The following PSMG2 variants were observed in gnomAD, a reference collection of about 807,000 sequenced individuals.
PSMG2 encodes CD40 ligand-activated specific transcript 3.
PSMG2 carries 21 observed loss-of-function variants against 31.5 expected under a neutral mutation model. The ratio of observed to expected loss-of-function variants is 0.67; its 90% CI spans 0.47 to 0.96. PSMG2 has a LOEUF of 0.96. Ranked by LOEUF, PSMG2 falls within the 40% of genes least tolerant of loss-of-function variation. The pLI is 0.00. For missense variants in PSMG2, 318 were observed against 321.2 expected (o/e 0.99, Z 0.08); for synonymous variants, 120 against 110.4 (o/e 1.09, Z -0.54).
At chr18:12,667,867 TTTA>T (rs1458684318) in intron 1 of PSMG2, among the ~76,000 whole-genome samples, 1 of 144,506 alleles carries the variant, frequency 6.9e-6, no homozygotes, top group Non-Finnish European at 1.6e-5. Flanking sequence ...TTTTTTTTTT[TTTA>T]AATAGAACAA....
chr18:12,679,889 C>T (rs1025703145), intron 1 of PSMG2, among the ~76,000 whole-genome samples: 1 of 151,838 alleles, frequency 6.6e-6, no homozygotes, highest in Non-Finnish European at 1.5e-5. Flanking sequence ...ACAGCAAAAG[C>T]TCATCCCTAC....
chr18:12,660,088 A>G lies in PSMG2; in HGVS notation c.-37+1315A>G, dbSNP rs192569184. On this transcript the variant is annotated intron_variant, in intron 1 of 6. Transcript: ENST00000585331. ...CTGCCCATTGCACTTGGACAACTAC[A>G]GCCAAACACATTTTTATCTTTGCCT... 2.2e-3 allele frequency among the ~76,000 whole-genome samples: 337 copies of G among 152,308 alleles called. 10 individuals are homozygous for G. The East Asian group carries it at 0.029, about 13-fold the overall frequency.
At chr18:12,719,760 G>A (rs2040413042) in intron 4 of PSMG2, among the ~76,000 whole-genome samples, 1 of 142,968 alleles carries the variant, frequency 7.0e-6, no homozygotes, top group South Asian at 2.2e-4. Flanking sequence ...CCAGTTCTCA[G>A]TTGCCCAGGC....
intron 2 of PSMG2, among the ~76,000 whole-genome samples, chr18:12,712,434 G>GAGAAGTA (rs2040340471): frequency 6.6e-6 from 1 of 152,090 alleles, no homozygotes; most frequent in Admixed American, 6.5e-5. Flanking sequence ...TGGTTTTGCA[G>GAGAAGTA]TTAAAGTCAA....
chr18:12,667,641 C>A (rs1425871850), intron 1 of PSMG2, among the ~76,000 whole-genome samples: 3 of 149,188 alleles, frequency 2.0e-5, no homozygotes. Context: ...CGTGCCTGTA[C>A]TCCCAGCTAC....
chr18:12,716,180 T>C (rs1487281708), intron 3 of PSMG2, among the ~76,000 whole-genome samples: 1 of 152,200 alleles, frequency 6.6e-6, no homozygotes, highest in Non-Finnish European at 1.5e-5. Flanking sequence ...TTTGAGACTA[T>C]CATGAATAGT....
intron 2 of PSMG2, among the ~76,000 whole-genome samples, chr18:12,707,301 C>T (rs1357067299): frequency 6.6e-6 from 1 of 152,114 alleles, no homozygotes; most frequent in Non-Finnish European, 1.5e-5. Flanking sequence ...CCTTGTTTTT[C>T]AACATGGATT....
intron 1 of PSMG2, among the ~76,000 whole-genome samples, chr18:12,692,737 T>G (rs1158579561): frequency 1.3e-5 from 2 of 152,234 alleles, no homozygotes; most frequent in African/African-American, 4.8e-5. Context: ...TCTAGCTGTC[T>G]GCTGCCCTAT....
chr18:12,674,673 A>G, intron 1 of PSMG2: 1 of 1,614,106 alleles, frequency 6.2e-7, no homozygotes, highest in Non-Finnish European at 8.5e-7. Context: ...TACTTGTTGT[A>G]CGCTCAAATT....
intron 2 of PSMG2, among the ~76,000 whole-genome samples, chr18:12,711,146 C>G (rs1305764601): frequency 6.6e-6 from 1 of 152,014 alleles, no homozygotes; most frequent in Non-Finnish European, 1.5e-5. Flanking sequence ...GTGGTGTGCT[C>G]CTGTAATCCC....
chr18:12,698,094 TAAGAA>T (rs1003436170), upstream of PSMG2, among the ~76,000 whole-genome samples: 2 of 151,238 alleles, frequency 1.3e-5, no homozygotes, highest in Non-Finnish European at 2.9e-5. Flanking sequence ...ATTGGAGAAA[TAAGAA>T]AAAAAAGAAA....
chr18:12,700,809 C>A, upstream of PSMG2: 1 of 580,522 alleles, frequency 1.7e-6, no homozygotes, highest in Non-Finnish European at 3.0e-6. Context: ...GCAGAGCTAG[C>A]CTATACTTGA....
chr18:12,693,334 G>A (rs147940007), intron 1 of PSMG2, among the ~76,000 whole-genome samples: 1,693 of 152,068 alleles, frequency 0.011, 15 homozygotes, highest in Non-Finnish European at 0.015. Flanking sequence ...TGAGGCAGGT[G>A]GATTGCTTGA....
rs747357666 is a variant in PSMG2 at position 12,691,505 on chromosome 18, T to A, written c.-36-15045T>A. The A allele has an allele frequency of 1.9e-6, 3 of 1,562,700 alleles. No individual in the cohort carries two copies. In the East Asian group the frequency reaches 6.8e-5, roughly 35 times the overall value. On this transcript the variant is annotated intron_variant, in intron 1 of 6. Coordinates refer to the PSMG2 transcript ENST00000585331. The stretch of plus-strand genomic sequence containing the variant: ...AAAGCAAGCTTGAAATTGAAAAAAA[T>A]ATTTTTCAATTTCTATTCATTATCT...
intron 3 of PSMG2, among the ~76,000 whole-genome samples, chr18:12,715,685 T>A (rs963525894): frequency 2.6e-5 from 4 of 152,030 alleles, no homozygotes; most frequent in African/African-American, 9.7e-5. Flanking sequence ...TTTGTACTTT[T>A]AGTAGAGTTG....
chr18:12,699,284 T>A, upstream of PSMG2: 1 of 1,042,482 alleles, frequency 9.6e-7, no homozygotes, highest in Non-Finnish European at 1.4e-6. Context: ...AATAAAAACT[T>A]GACAGATAAA....
upstream of PSMG2, chr18:12,702,490 C>T (rs937735448): frequency 3.7e-6 from 6 of 1,609,236 alleles, no homozygotes; most frequent in Non-Finnish European, 5.1e-6. Context: ...TCTCACCTTG[C>T]TCAGCTGCTG....
At chr18:12,690,939 G>GCT (rs1555646009) in intron 1 of PSMG2, among the ~76,000 whole-genome samples, 1 of 148,660 alleles carries the variant, frequency 6.7e-6, no homozygotes, top group Non-Finnish European at 1.5e-5. Context: ...TATGCCCAGA[G>GCT]CCCCCCCCCG....
intron 1 of PSMG2, among the ~76,000 whole-genome samples, chr18:12,669,176 G>C (rs1353096411): frequency 1.3e-5 from 2 of 149,548 alleles, no homozygotes; most frequent in Non-Finnish European, 3.0e-5. Context: ...GCAGTGGTGT[G>C]ATCTCAGCTC....
Sources: allele counts gnomAD v4.1 joint callset (sites outside exome capture counted in the v4.1 genomes callset), GRCh38; gene constraint gnomAD v4.1.1; transcripts MANE v1.5; gene names NCBI Gene and HGNC (gene_info 2026-07-23, HGNC 2026-07-21).